The following KCNJ12 variants were observed in gnomAD, a reference collection of about 807,000 sequenced individuals.
The protein encoded by KCNJ12 is potassium inwardly rectifying channel subfamily J member 12, also known as ATP-sensitive inward rectifier potassium channel 12.
A neutral mutation model predicts 22.3 loss-of-function variants in KCNJ12; 2 were observed. That is an observed-to-expected ratio of 0.09 (90% CI 0.04 to 0.28). KCNJ12 has a LOEUF of 0.28. Among genes scored for constraint, KCNJ12 ranks in the 10% least tolerant of loss-of-function variants. The probability of loss-of-function intolerance (pLI) is 1.00; values close to 1 mark genes in which losing one functional copy is unlikely to be tolerated. For missense variants in KCNJ12, 155 were observed against 633.3 expected (o/e 0.24, Z 8.11); for synonymous variants, 117 against 261.4 (o/e 0.45, Z 5.33).
chr17:21,410,977 C>T (rs1184151948), intron 2 of KCNJ12, among the ~76,000 whole-genome samples: 246 of 152,208 alleles, frequency 1.6e-3, no homozygotes, highest in Admixed American at 0.013. Context: ...GGCGCCCCAG[C>T]TAGCTGAACA....
At chr17:21,413,781 A>C (rs1597582775) in intron 2 of KCNJ12, among the ~76,000 whole-genome samples, 1 of 152,420 alleles carries the variant, frequency 6.6e-6, no homozygotes, top group Admixed American at 6.5e-5. Context: ...GCTGGCATGG[A>C]TGCCCTGCTG....
chr17:21,400,377 C>T (rs1368506110), intron 1 of KCNJ12, among the ~76,000 whole-genome samples: 20 of 152,414 alleles, frequency 1.3e-4, no homozygotes, highest in African/African-American at 3.4e-4. Flanking sequence ...CAGCTGGCCT[C>T]GACTCCCTCC....
At chr17:21,410,968 G>C (rs1370849118) in intron 2 of KCNJ12, among the ~76,000 whole-genome samples, 3 of 152,310 alleles carry the variant, frequency 2.0e-5, no homozygotes, top group Non-Finnish European at 4.4e-5. Flanking sequence ...GCCTCGTGAG[G>C]CGCCCCAGCT....
At chr17:21,402,203 C>A (rs1905654598) in intron 1 of KCNJ12, among the ~76,000 whole-genome samples, 1 of 152,310 alleles carries the variant, frequency 6.6e-6, no homozygotes, top group Admixed American at 6.5e-5. Flanking sequence ...TTTGTGGCTA[C>A]AGTTCCCACT....
intron 1 of KCNJ12, among the ~76,000 whole-genome samples, chr17:21,397,432 C>G (rs1254582379): frequency 1.3e-5 from 2 of 152,184 alleles, no homozygotes; most frequent in African/African-American, 2.4e-5. Context: ...GCGGTTTCAT[C>G]CCCGTGCACT....
chr17:21,390,602 C>G (rs1555559204), intron 1 of KCNJ12, among the ~76,000 whole-genome samples: 1 of 152,192 alleles, frequency 6.6e-6, no homozygotes, highest in East Asian at 1.9e-4. Context: ...GAGGCTGCAG[C>G]AGCATTTCTG....
chr17:21,377,356 T>C (rs1904696611), intron 1 of KCNJ12, among the ~76,000 whole-genome samples: 1 of 152,128 alleles, frequency 6.6e-6, no homozygotes, highest in African/African-American at 2.4e-5. Context: ...GCCCGGGCTA[T>C]ATGAGCCGCC....
intron 1 of KCNJ12, among the ~76,000 whole-genome samples, chr17:21,394,667 C>G (rs1408523698): frequency 2.6e-5 from 4 of 152,132 alleles, no homozygotes; most frequent in Non-Finnish European, 4.4e-5. Context: ...ACTGGAGGCT[C>G]AACTCGAGGC....
chr17:21,392,822 G>A (rs979615483), intron 1 of KCNJ12, among the ~76,000 whole-genome samples: 7 of 152,362 alleles, frequency 4.6e-5, no homozygotes, highest in South Asian at 2.1e-4. Flanking sequence ...TGGGCAGCAC[G>A]GTCGGGGCAA....
At chr17:21,407,920 A>G (rs1906069117) in intron 1 of KCNJ12, among the ~76,000 whole-genome samples, 1 of 152,162 alleles carries the variant, frequency 6.6e-6, no homozygotes, top group East Asian at 1.9e-4. Context: ...TCATTCATCC[A>G]TCTACCCACT....
rs1187851626 is a variant in KCNJ12, at chr17:21,418,282, CCCCCGAGACAGCTCAGAGCCAGAAGGCA to C, written c.*1697_*1724del. 11,387 of 163,934 alleles carry C rather than the reference CCCCCGAGACAGCTCAGAGCCAGAAGGCA, an allele frequency of 0.069. 1,328 individuals carry two copies. Among genetic ancestry groups the C allele is most frequent in the African/African-American group, 0.23 (8,996 of 39,062 alleles). 10.2% of individuals were successfully genotyped at this position (163,934 alleles called of 1,614,324 possible). A position where few individuals can be genotyped will look rare whatever the true frequency, so the allele number is the denominator to read the frequency against. On this transcript the variant is annotated 3_prime_UTR_variant, in exon 3 of 3. Coordinates refer to ENST00000583088, the MANE Select transcript of KCNJ12 (RefSeq NM_021012.5). ...GGATGTGTCTCCTGCTCCAACTCTG[CCCCCGAGACAGCTCAGAGCCAGAAGGCA>C]CCCCGAGACAGCTCAGAGCCAGAAG...
At chr17:21,415,236 A>AGGAGCCC (rs1906629951) in intron 2 of KCNJ12, 51 bp from the exon 3 acceptor site, 10 of 1,513,498 alleles carry the variant, frequency 6.6e-6, no homozygotes, top group Admixed American at 5.9e-5. Context: ...ATGGGGGTAG[A>AGGAGCCC]GGAGCCCGGA....
intron 1 of KCNJ12, among the ~76,000 whole-genome samples, chr17:21,379,263 G>T (rs112169277): frequency 0.038 from 5,796 of 152,348 alleles, 147 homozygotes; most frequent in Non-Finnish European, 0.061. Flanking sequence ...GCAGTACCAA[G>T]CGTGGCACCC....
chr17:21,377,506 T>G (rs1904705300), intron 1 of KCNJ12, among the ~76,000 whole-genome samples: 1 of 152,180 alleles, frequency 6.6e-6, no homozygotes, highest in African/African-American at 2.4e-5. Flanking sequence ...TCCCTTTTGC[T>G]TTTAGAAGTC....
intron 1 of KCNJ12, among the ~76,000 whole-genome samples, chr17:21,406,643 A>C (rs1454074680): frequency 6.6e-6 from 1 of 152,302 alleles, no homozygotes; most frequent in Non-Finnish European, 1.5e-5. Context: ...GACTCACTCA[A>C]GGTCACACAG....
chr17:21,419,285 G>A lies in KCNJ12; in HGVS notation c.*2641G>A, dbSNP rs553233747. On this transcript the variant is annotated 3_prime_UTR_variant, in exon 3 of 3. Coordinates refer to ENST00000583088, the MANE Select transcript of KCNJ12 (RefSeq NM_021012.5). ...ATGACTGGGTTAGTAATACAGATAC[G>A]TGATCTATACGTGTGTGTGTGTGTG... The A allele has an allele frequency of 3.1e-5, 5 of 162,980 alleles. No individual in the cohort carries two copies. The highest frequency in any genetic ancestry group is 4.2e-4 in the South Asian group (2 of 4,732). 10.1% of individuals were successfully genotyped at this position (162,980 alleles called of 1,614,324 possible). A position where few individuals can be genotyped will look rare whatever the true frequency, so the allele number is the denominator to read the frequency against.
At chr17:21,387,440 CAAAAAAAAAAAAAA>C (rs782125409) in intron 1 of KCNJ12, among the ~76,000 whole-genome samples, 1 of 36,540 alleles carries the variant, frequency 2.7e-5, no homozygotes, top group African/African-American at 8.5e-5. Context: ...GACTCTATCT[CAAAAAAAAAAAAAA>C]AAAAAAAAAA....
chr17:21,419,319 TG>T lies in KCNJ12; in HGVS notation c.*2676del, dbSNP rs1555563425. 9.9e-4 allele frequency: 165 copies of T among 167,054 alleles called. No individual in the cohort carries two copies. The highest frequency in any genetic ancestry group is 3.7e-3 in the African/African-American group (154 of 41,360). 10.3% of individuals were successfully genotyped at this position (167,054 alleles called of 1,614,324 possible). ...ACGTGTGTGTGTGTGTGTGTGTGTG[TG>T]TGTGTGTGTATGCAGGCGGTTATGT... is the stretch of plus-strand genomic sequence containing the variant. On this transcript the variant is annotated 3_prime_UTR_variant, in exon 3 of 3. Transcript: ENST00000583088.
At chr17:21,380,995 C>A (rs1223257121) in intron 1 of KCNJ12, among the ~76,000 whole-genome samples, 1 of 152,206 alleles carries the variant, frequency 6.6e-6, no homozygotes, top group Non-Finnish European at 1.5e-5. Flanking sequence ...CCTTGGGGAC[C>A]CCCGCCCAGC....
Sources: allele counts gnomAD v4.1 joint callset (sites outside exome capture counted in the v4.1 genomes callset), GRCh38; gene constraint gnomAD v4.1.1; transcripts MANE v1.5; gene names NCBI Gene and HGNC (gene_info 2026-07-23, HGNC 2026-07-21).